GLDC: variants seen among roughly 807,000 people sequenced by gnomAD.
The protein encoded by GLDC is glycine dehydrogenase (decarboxylating), mitochondrial.
Under a neutral mutation model 121.3 loss-of-function variants are expected in GLDC, and 104 were observed. The observed-to-expected ratio is 0.86, with a 90% CI of 0.73 to 1.01. The LOEUF is 1.01. Among genes scored for constraint, GLDC ranks in the 50% least tolerant of loss-of-function variants. The pLI is 0.00. For synonymous variants in GLDC, 546 were observed against 480.6 expected, an observed-to-expected ratio of 1.14 and a Z score of -1.78; for missense variants, 1,429 against 1,306.6, an observed-to-expected ratio of 1.09 and a Z score of -1.44.
chr9:6,609,714 G>GA (rs1195460903), intron 4 of GLDC, among the ~76,000 whole-genome samples: 1 of 151,050 alleles, frequency 6.6e-6, no homozygotes, highest in Non-Finnish European at 1.5e-5. Context: ...GCTAGGTGCC[G>GA]AGTCAGCTGT....
At chr9:6,605,874 G>A (rs1818720210) in intron 5 of GLDC, 1 of 173,088 alleles carries the variant, frequency 5.8e-6, no homozygotes, top group South Asian at 1.4e-4. Flanking sequence ...CTCACCTAGG[G>A]ACTCTGCACA....
At chr9:6,577,198 G>T (rs909208321) in intron 15 of GLDC, among the ~76,000 whole-genome samples, 1 of 152,256 alleles carries the variant, frequency 6.6e-6, no homozygotes, top group African/African-American at 2.4e-5. Context: ...ATGCAGGCCT[G>T]AAAGTTACAT....
At chr9:6,594,905 C>G (rs1818461730) in intron 9 of GLDC, 109 bp downstream of exon 9, 8 of 771,792 alleles carry the variant, frequency 1.0e-5, no homozygotes, top group Non-Finnish European at 2.4e-6. Context: ...CCTCGTTTCT[C>G]ACTTGACTTT....
chr9:6,619,724 T>C (rs1216673199), intron 3 of GLDC, among the ~76,000 whole-genome samples: 2 of 152,144 alleles, frequency 1.3e-5, no homozygotes, highest in Non-Finnish European at 2.9e-5. Flanking sequence ...CAAGACTCCG[T>C]CTGGGCAGGG....
intron 8 of GLDC, 135 bp from the exon 9 acceptor site, chr9:6,595,254 T>C (rs769411636): frequency 2.7e-6 from 2 of 743,504 alleles, no homozygotes; most frequent in South Asian, 2.8e-5. Context: ...TCTTTGATAG[T>C]TGGGGACAAT....
intron 2 of GLDC, chr9:6,639,547 T>C: frequency 1.3e-6 from 1 of 783,192 alleles, no homozygotes. Context: ...GAGAAGAAGG[T>C]ATATGTTCGA....
intron 15 of GLDC, among the ~76,000 whole-genome samples, chr9:6,573,078 T>C (rs1394437008): frequency 6.6e-6 from 1 of 152,226 alleles, no homozygotes; most frequent in Non-Finnish European, 1.5e-5. Flanking sequence ...CATAATGCTA[T>C]CTATTTCACA....
chr9:6,554,962 C>T, intron 18 of GLDC, 181 bp from the exon 19 acceptor site: 1 of 666,076 alleles, frequency 1.5e-6, no homozygotes, highest in East Asian at 2.7e-5. Flanking sequence ...AAACTGGCAT[C>T]CGATAGGCAG....
At chr9:6,556,401 G>C in intron 17 of GLDC, 99 bp from the exon 18 acceptor site, 2 of 1,012,030 alleles carry the variant, frequency 2.0e-6, no homozygotes, top group Non-Finnish European at 1.6e-6. Flanking sequence ...GAAAGATGAA[G>C]TCTCAGTCTT....
At chr9:6,593,879 G>T (rs1818434810) in intron 9 of GLDC, among the ~76,000 whole-genome samples, 1 of 151,446 alleles carries the variant, frequency 6.6e-6, no homozygotes, top group Non-Finnish European at 1.5e-5. Flanking sequence ...TTTTAGTAGA[G>T]ACAGGGTTTC....
At position 6,532,760 on chromosome 9, in the gene GLDC, C is replaced by A. The variant is rs111326356; in HGVS notation, c.*257G>T. On this transcript the variant is annotated 3_prime_UTR_variant, in exon 25 of 25. Coordinates refer to ENST00000321612, the MANE Select transcript of GLDC (RefSeq NM_000170.3). ...AAGTTAAAGTTCCTAAAACTTTCTA[C>A]GCAAAACACAAAATGGCTCCCAATC... The A allele has an allele frequency of 1.9e-5, 9 of 473,266 alleles. No individual in the cohort carries two copies. The highest frequency in any genetic ancestry group is 3.1e-5 in the Non-Finnish European group (8 of 258,546). The allele number at this position is 473,266 out of a possible 1,614,324, so 29.3% of individuals were successfully genotyped here.
intron 3 of GLDC, among the ~76,000 whole-genome samples, chr9:6,611,429 G>T (rs930948812): frequency 6.6e-6 from 1 of 152,128 alleles, no homozygotes; most frequent in Non-Finnish European, 1.5e-5. Context: ...GGTGGCACGT[G>T]CCTGTAGTCC....
At chr9:6,562,568 A>AT (rs905522889) in intron 16 of GLDC, among the ~76,000 whole-genome samples, 1 of 151,626 alleles carries the variant, frequency 6.6e-6, no homozygotes, top group South Asian at 2.1e-4. Context: ...ATTAAAAAAA[A>AT]TTTTTTTTTG....
At chr9:6,561,716 T>C (rs1349372677) in intron 16 of GLDC, among the ~76,000 whole-genome samples, 2 of 152,196 alleles carry the variant, frequency 1.3e-5, no homozygotes, top group African/African-American at 4.8e-5. Flanking sequence ...AGTTTTGGTT[T>C]ATCCAAAGCA....
At chr9:6,580,975 T>C (rs1295430251) in intron 15 of GLDC, among the ~76,000 whole-genome samples, 1 of 152,230 alleles carries the variant, frequency 6.6e-6, no homozygotes, top group Non-Finnish European at 1.5e-5. Context: ...TACTTCCAGC[T>C]TCTGTGGACA....
chr9:6,643,838 A>G (rs575986024), intron 2 of GLDC, among the ~76,000 whole-genome samples: 4 of 151,768 alleles, frequency 2.6e-5, no homozygotes, highest in Non-Finnish European at 5.9e-5. Context: ...GTTCGACACC[A>G]GCCTGGCCAA....
intron 2 of GLDC, among the ~76,000 whole-genome samples, chr9:6,623,636 G>C (rs972339978): frequency 3.3e-5 from 5 of 152,108 alleles, no homozygotes; most frequent in Non-Finnish European, 5.9e-5. Context: ...AAAAAAGAGA[G>C]AGATATGGTA....
chr9:6,644,522 A>C, intron 2 of GLDC, 92 bp downstream of exon 2: 1 of 850,402 alleles, frequency 1.2e-6, no homozygotes, highest in South Asian at 1.3e-5. Context: ...AGTCCTGAGC[A>C]ATCCTTACCC....
intron 2 of GLDC, chr9:6,622,749 A>G (rs1314564270): frequency 5.4e-5 from 11 of 203,704 alleles, no homozygotes; most frequent in South Asian, 5.7e-5. Context: ...CCCAGTCTGG[A>G]AAGTGAGGAG....
Sources: gnomAD v4.1 joint callset for allele counts (sites outside exome capture counted in the v4.1 genomes callset) on GRCh38, gnomAD v4.1.1 for gene constraint, MANE v1.5 for transcripts, NCBI Gene and HGNC (gene_info 2026-07-23, HGNC 2026-07-21) for gene names.